The following RANBP2 variants were observed in gnomAD, a reference collection of about 807,000 sequenced individuals.
RANBP2 encodes RAN binding protein 2.
RANBP2 carries 57 observed loss-of-function variants against 303.6 expected under a neutral mutation model. The observed-to-expected ratio is 0.19, with a 90% CI of 0.15 to 0.23. RANBP2 has a LOEUF of 0.23. Ranked by LOEUF, RANBP2 falls within the 10% of genes least tolerant of loss-of-function variation. The pLI is 1.00. For missense variants in RANBP2, 3,138 were observed against 3,780.8 expected (o/e 0.83, Z 4.46); for synonymous variants, 1,167 against 1,301.5 (o/e 0.90, Z 2.23).
the RANBP2 span, among the ~76,000 whole-genome samples, chr2:109,088,609 G>C: frequency 2.6e-5 from 4 of 151,872 alleles, no homozygotes; most frequent in Admixed American, 2.0e-4. Flanking sequence ...GGGGTTCAAG[G>C]CGTGAGGTTC....
At chr2:109,191,608 A>C in the RANBP2 span, among the ~76,000 whole-genome samples, 1 of 152,168 alleles carries the variant, frequency 6.6e-6, no homozygotes, top group African/African-American at 2.4e-5. Context: ...ACCCTTTCAC[A>C]TGAAGAAAGT....
At chr2:109,064,479 A>AAAAAAAAAC in the RANBP2 span, among the ~76,000 whole-genome samples, 1 of 140,964 alleles carries the variant, frequency 7.1e-6, no homozygotes, top group African/African-American at 2.7e-5. Flanking sequence ...AAACAAAAAC[A>AAAAAAAAAC]AACTGGTAAA....
chr2:109,259,141 C>T, the RANBP2 span, among the ~76,000 whole-genome samples: 6 of 152,352 alleles, frequency 3.9e-5, no homozygotes, highest in East Asian at 7.7e-4. Flanking sequence ...CAACATGCCA[C>T]GCGGCTTGTG....
the RANBP2 span, among the ~76,000 whole-genome samples, chr2:109,666,932 G>T: frequency 6.6e-6 from 1 of 152,166 alleles, no homozygotes. Context: ...ATTTGTATTT[G>T]TTCCTCTGCC....
the RANBP2 span, chr2:109,593,051 T>C: frequency 6.3e-7 from 1 of 1,582,676 alleles, no homozygotes; most frequent in Non-Finnish European, 8.6e-7. Context: ...ACATACTCAC[T>C]ATCTGTTCAT....
the RANBP2 span, among the ~76,000 whole-genome samples, chr2:109,765,745 A>G: frequency 6.6e-6 from 1 of 151,042 alleles, no homozygotes; most frequent in African/African-American, 2.4e-5. Flanking sequence ...ATGCAGAGGC[A>G]CTAGCAGTTT....
the RANBP2 span, among the ~76,000 whole-genome samples, chr2:109,233,734 G>A: frequency 6.6e-6 from 1 of 152,152 alleles, no homozygotes; most frequent in Non-Finnish European, 1.5e-5. Flanking sequence ...GGCCACCCTG[G>A]CAGTCCCACA....
At chr2:109,187,006 G>A in the RANBP2 span, among the ~76,000 whole-genome samples, 6 of 149,728 alleles carry the variant, frequency 4.0e-5, no homozygotes, top group Non-Finnish European at 9.0e-5. Flanking sequence ...TCCCAGAGGC[G>A]GAGCTGGGCC....
chr2:108,941,323 G>A, the RANBP2 span, among the ~76,000 whole-genome samples: 45 of 152,212 alleles, frequency 3.0e-4, no homozygotes, highest in Non-Finnish European at 4.4e-4. Flanking sequence ...TTTTGATGTC[G>A]GTGACTCAAA....
the RANBP2 span, among the ~76,000 whole-genome samples, chr2:108,927,130 C>T: frequency 6.6e-6 from 1 of 152,204 alleles, no homozygotes; most frequent in East Asian, 1.9e-4. Flanking sequence ...TGGAAACTGT[C>T]CCCATCGTCT....
At chr2:109,651,628 C>T in the RANBP2 span, among the ~76,000 whole-genome samples, 7,138 of 152,156 alleles carry the variant, frequency 0.047, 325 homozygotes, top group East Asian at 0.17. Flanking sequence ...GAGCAGTCAC[C>T]AGAGGTGAGG....
At chr2:109,235,039 C>G in the RANBP2 span, among the ~76,000 whole-genome samples, 5 of 152,128 alleles carry the variant, frequency 3.3e-5, no homozygotes, top group African/African-American at 1.2e-4. Context: ...TCCCTTCAGC[C>G]CAGTAGGCCA....
chr2:109,382,159 G>A, the RANBP2 span, among the ~76,000 whole-genome samples: 1 of 152,222 alleles, frequency 6.6e-6, no homozygotes, highest in Non-Finnish European at 1.5e-5. Context: ...AGCACCTATT[G>A]TTAGGGAGTT....
At chr2:109,561,777 A>G in the RANBP2 span, among the ~76,000 whole-genome samples, 1 of 152,184 alleles carries the variant, frequency 6.6e-6, no homozygotes. Context: ...TGACTGAGTT[A>G]TCCTTGATCC....
the RANBP2 span, among the ~76,000 whole-genome samples, chr2:109,065,784 C>T: frequency 2.6e-5 from 4 of 152,184 alleles, no homozygotes; most frequent in African/African-American, 4.8e-5. Context: ...TGCTGGCCTC[C>T]GCGTCTTACG....
At chr2:109,258,179 A>G in the RANBP2 span, among the ~76,000 whole-genome samples, 2 of 152,200 alleles carry the variant, frequency 1.3e-5, no homozygotes, top group African/African-American at 4.8e-5. Flanking sequence ...GGCTTACGAA[A>G]GAGTAAACTT....
At chr2:108,910,078 G>C in the RANBP2 span, among the ~76,000 whole-genome samples, 15 of 152,338 alleles carry the variant, frequency 9.8e-5, no homozygotes, top group Admixed American at 9.8e-4. Context: ...CCAGCATTAC[G>C]GTGGCAGCAG....
At chr2:109,391,843 CT>C in the RANBP2 span, among the ~76,000 whole-genome samples, 515 of 149,936 alleles carry the variant, frequency 3.4e-3, no homozygotes, top group African/African-American at 0.012. Flanking sequence ...ATATGGTCTT[CT>C]TTTTTTTTTA....
At chr2:109,237,931 A>G in the RANBP2 span, among the ~76,000 whole-genome samples, 1,125 of 152,374 alleles carry the variant, frequency 7.4e-3, 9 homozygotes, top group South Asian at 0.024. Flanking sequence ...GTGTTATGCC[A>G]CCAAATTAAA....
Sources: allele counts gnomAD v4.1 joint callset (sites outside exome capture counted in the v4.1 genomes callset), GRCh38; gene constraint gnomAD v4.1.1; transcripts MANE v1.5; gene names NCBI Gene and HGNC (gene_info 2026-07-23, HGNC 2026-07-21).